Variants in DENND1A observed in about 807,000 individuals in gnomAD.
The protein encoded by DENND1A is DENN domain-containing protein 1A.
Under a neutral mutation model 113.7 loss-of-function variants are expected in DENND1A, and 51 were observed. The ratio of observed to expected loss-of-function variants is 0.45; its 90% CI spans 0.36 to 0.57. DENND1A has a LOEUF of 0.57. Among genes scored for constraint, DENND1A ranks in the 20% least tolerant of loss-of-function variants. DENND1A has a pLI of 0.00. For missense variants in DENND1A, 1,258 were observed against 1,395.9 expected (o/e 0.90, Z 1.57); for synonymous variants, 565 against 570.8 (o/e 0.99, Z 0.14).
At chr9:123,412,831 T>C (rs994254828) in intron 19 of DENND1A, among the ~76,000 whole-genome samples, 1 of 152,110 alleles carries the variant, frequency 6.6e-6, no homozygotes, top group Admixed American at 6.5e-5. Context: ...GTCACTCAGG[T>C]CACAAAGATA....
At chr9:123,636,007 G>GA (rs2061682807) in intron 9 of DENND1A, among the ~76,000 whole-genome samples, 1 of 152,152 alleles carries the variant, frequency 6.6e-6, no homozygotes, top group African/African-American at 2.4e-5. Context: ...GCTATCCTTT[G>GA]AAGTGAAGAA....
At chr9:123,510,754 C>T (rs905661850) in intron 13 of DENND1A, among the ~76,000 whole-genome samples, 2 of 152,204 alleles carry the variant, frequency 1.3e-5, no homozygotes, top group African/African-American at 2.4e-5. Context: ...GGCCTTGAGG[C>T]TTTCTTAACA....
chr9:123,429,533 T>G (rs1021632438), intron 19 of DENND1A, among the ~76,000 whole-genome samples: 2 of 152,066 alleles, frequency 1.3e-5, no homozygotes, highest in Non-Finnish European at 2.9e-5. Context: ...CCAGCCTGGG[T>G]GACACAGCAA....
rs1301445909 is a variant in DENND1A, at chr9:123,807,048, CAT to C, written c.89-14420_89-14419del. On this transcript the variant is annotated intron_variant, in intron 2 of 23. Transcript: ENST00000394215. ...TGATGCAATATTTACATCACCATAACATGTGGAAATACATCATTGCATTATGA... is the reference window on the plus strand; with the variant it reads ...TGATGCAATATTTACATCACCATAACGTGGAAATACATCATTGCATTATGA... Among the ~76,000 whole-genome samples, 28 of 152,142 alleles carry C rather than the reference CAT, an allele frequency of 1.8e-4. No individual in the cohort carries two copies. The South Asian group carries it at 4.4e-3, about 24-fold the overall frequency.
chr9:123,749,746 G>A (rs778430277), intron 5 of DENND1A, among the ~76,000 whole-genome samples: 7 of 152,224 alleles, frequency 4.6e-5, no homozygotes, highest in South Asian at 2.1e-4. Context: ...TGAAGAATGC[G>A]GGGGTGGGTA....
chr9:123,492,425 C>T (rs891411670), intron 13 of DENND1A, among the ~76,000 whole-genome samples: 2 of 152,114 alleles, frequency 1.3e-5, no homozygotes, highest in Non-Finnish European at 2.9e-5. Context: ...GGGAACAGCC[C>T]AAGGCACTCA....
At chr9:123,555,754 G>T (rs765021070) in intron 13 of DENND1A, among the ~76,000 whole-genome samples, 7 of 152,190 alleles carry the variant, frequency 4.6e-5, no homozygotes. Flanking sequence ...TAAATCCAGT[G>T]CCTTCCAGCA....
intron 13 of DENND1A, chr9:123,491,772 C>A (rs2051395070): frequency 6.6e-6 from 1 of 152,296 alleles, no homozygotes; most frequent in South Asian, 2.1e-4. Context: ...ATCTACTAAT[C>A]ATCTCTACCT....
chr9:123,676,545 G>T (rs1043041685), intron 6 of DENND1A, among the ~76,000 whole-genome samples, 175 bp downstream of exon 6: 1 of 152,144 alleles, frequency 6.6e-6, no homozygotes, highest in African/African-American at 2.4e-5. Flanking sequence ...TTAGGGAAGG[G>T]AGTGGGGCAA....
intron 21 of DENND1A, among the ~76,000 whole-genome samples, chr9:123,388,305 C>G (rs2042669664): frequency 6.6e-6 from 1 of 152,196 alleles, no homozygotes; most frequent in East Asian, 1.9e-4. Flanking sequence ...CATTCGCTGT[C>G]ATCTGCTTAT....
At chr9:123,787,191 T>G (rs1832317374) in intron 3 of DENND1A, among the ~76,000 whole-genome samples, 1 of 152,150 alleles carries the variant, frequency 6.6e-6, no homozygotes, top group Non-Finnish European at 1.5e-5. Context: ...AAATTTATCA[T>G]TTGTTTTATA....
intron 19 of DENND1A, among the ~76,000 whole-genome samples, chr9:123,431,517 C>A (rs1334918799): frequency 6.6e-6 from 1 of 152,208 alleles, no homozygotes. Flanking sequence ...GTTCTCAGCA[C>A]AGAGTTGGGC....
intron 3 of DENND1A, among the ~76,000 whole-genome samples, chr9:123,771,826 T>C (rs781057697): frequency 1.3e-5 from 2 of 152,090 alleles, no homozygotes; most frequent in Non-Finnish European, 2.9e-5. Context: ...CTTTCCTTTT[T>C]ATCTAAGCAA....
At position 123,583,152 on chromosome 9, in the gene DENND1A, G is replaced by A. The variant is rs748304829; in HGVS notation, c.867+17C>T. 2.9e-5 allele frequency: 46 copies of A among 1,580,672 alleles called. No homozygotes were observed. The highest frequency in any genetic ancestry group is 1.7e-4 in the Middle Eastern group (1 of 5,808). On this transcript the variant is annotated intron_variant, in intron 12 of 23. Transcript: ENST00000394215. ...AGGAGCTCACAGAAGTGAGATCCTC[G>A]CAAGCTCATTACCTACCACGTCGTT...
chr9:123,862,441 A>T (rs1038694755), intron 2 of DENND1A, among the ~76,000 whole-genome samples: 7 of 152,214 alleles, frequency 4.6e-5, no homozygotes, highest in African/African-American at 1.7e-4. Flanking sequence ...CTCCATCAGA[A>T]GAATGTTCTT....
chr9:123,792,776 A>G (rs1486983748), intron 2 of DENND1A, 146 bp from the exon 3 acceptor site: 6 of 747,978 alleles, frequency 8.0e-6, no homozygotes, highest in African/African-American at 3.6e-5. Flanking sequence ...GATGAGCACA[A>G]GGAAGGACTC....
chr9:123,639,777 C>CAAA (rs199515973), intron 9 of DENND1A, among the ~76,000 whole-genome samples: 29 of 115,666 alleles, frequency 2.5e-4, no homozygotes, highest in Non-Finnish European at 4.6e-4. Context: ...AACTCCATCT[C>CAAA]AAAAAAAAAA....
intron 8 of DENND1A, among the ~76,000 whole-genome samples, chr9:123,662,629 C>T (rs2063301966): frequency 6.6e-6 from 1 of 152,144 alleles, no homozygotes; most frequent in Non-Finnish European, 1.5e-5. Context: ...CAAGCACTTT[C>T]TCAAGAAAAC....
chr9:123,386,539 GC>G (rs1250527031), intron 22 of DENND1A, among the ~76,000 whole-genome samples: 1 of 152,078 alleles, frequency 6.6e-6, no homozygotes, highest in East Asian at 1.9e-4. Context: ...GAGCCACCAT[GC>G]CCAGCTAATT....
Sources: allele counts gnomAD v4.1 joint callset (sites outside exome capture counted in the v4.1 genomes callset), GRCh38; gene constraint gnomAD v4.1.1; transcripts MANE v1.5; gene names NCBI Gene and HGNC (gene_info 2026-07-23, HGNC 2026-07-21).